CLASP1: variants seen among roughly 807,000 people sequenced by gnomAD.
CLASP1 encodes the protein cytoplasmic linker associated protein 1.
In CLASP1, 38 loss-of-function variants were observed where a neutral mutation model predicts 192.3. The observed-to-expected ratio is 0.20, with a 90% CI of 0.15 to 0.26. The LOEUF is 0.26. Ranked by LOEUF, CLASP1 falls within the 10% of genes least tolerant of loss-of-function variation. The pLI is 1.00. For missense variants in CLASP1, 1,433 were observed against 1,932.5 expected (o/e 0.74, Z 4.85); for synonymous variants, 691 against 712.8 (o/e 0.97, Z 0.49).
intron 8 of CLASP1, among the ~76,000 whole-genome samples, chr2:121,500,333 GGAAAGAAAGAAAAAGAAA>G (rs1313302527): frequency 5.6e-5 from 5 of 88,542 alleles, no homozygotes; most frequent in Non-Finnish European, 1.1e-4. Context: ...AGAGAAAGAA[GGAAAGAAAGAAAAAGAAA>G]GAAAGAAAGA....
intron 33 of CLASP1, among the ~76,000 whole-genome samples, chr2:121,378,967 T>TA (rs34669815): frequency 0.19 from 24,550 of 130,504 alleles, 4,609 homozygotes; most frequent in African/African-American, 0.49. Flanking sequence ...TATTCTGCCT[T>TA]AAAAAAAAAA....
chr2:121,592,442 T>C (rs578229807), intron 2 of CLASP1, among the ~76,000 whole-genome samples: 1 of 152,338 alleles, frequency 6.6e-6, no homozygotes, highest in South Asian at 2.1e-4. Context: ...TAAACACTTT[T>C]TTCTCCTTCA....
At chr2:121,625,064 T>C (rs956481154) in intron 1 of CLASP1, among the ~76,000 whole-genome samples, 1 of 152,200 alleles carries the variant, frequency 6.6e-6, no homozygotes, top group Non-Finnish European at 1.5e-5. Context: ...GAGGCTTGTT[T>C]TATGGCATAA....
intron 1 of CLASP1, among the ~76,000 whole-genome samples, chr2:121,625,509 A>C (rs1172230537): frequency 7.0e-6 from 1 of 142,536 alleles, no homozygotes; most frequent in African/African-American, 2.7e-5. Context: ...ATCTCGGCTC[A>C]ATGCAACCTC....
chr2:121,587,568 G>A (rs1410155179), intron 2 of CLASP1, among the ~76,000 whole-genome samples: 2 of 152,002 alleles, frequency 1.3e-5, no homozygotes, highest in Non-Finnish European at 2.9e-5. Context: ...GGTGGCTCAC[G>A]CCTGTAATCC....
At chr2:121,348,475 C>A (rs1310455207) in intron 38 of CLASP1, 37 bp downstream of exon 39, 19 of 1,559,934 alleles carry the variant, frequency 1.2e-5, no homozygotes, top group Non-Finnish European at 1.6e-5. Flanking sequence ...CAACCCCACA[C>A]AGGCCGGGGG....
rs62151100 is a variant in CLASP1, at chr2:121,547,275, C to T, written c.196-16950G>A. Among the ~76,000 whole-genome samples the T allele has an allele frequency of 5.9e-3, 891 of 152,278 alleles. 2 individuals are homozygous for T. The highest frequency in any genetic ancestry group is 0.02 in the Middle Eastern group (6 of 294). The stretch of plus-strand genomic sequence containing the variant: ...CAACTGAAAGCCTCTCTGCCACTGC[C>T]GCTGCGGTGGAACTGCCCTTGCTAC... On this transcript the variant is annotated intron_variant, in intron 2 of 39. Coordinates refer to ENST00000263710, the Ensembl canonical transcript of CLASP1.
chr2:121,505,876 A>G (rs2093931903), intron 7 of CLASP1, among the ~76,000 whole-genome samples: 1 of 152,086 alleles, frequency 6.6e-6, no homozygotes, highest in South Asian at 2.1e-4. Context: ...TAAATTTTAA[A>G]TAATTTCCTG....
chr2:121,403,112 G>A (rs904435482), intron 26 of CLASP1, among the ~76,000 whole-genome samples: 1 of 152,214 alleles, frequency 6.6e-6, no homozygotes, highest in Non-Finnish European at 1.5e-5. Context: ...GATTACAGGT[G>A]TAAGCCACTG....
At chr2:121,515,278 A>G (rs2094255130) in intron 7 of CLASP1, among the ~76,000 whole-genome samples, 1 of 152,224 alleles carries the variant, frequency 6.6e-6, no homozygotes, top group Admixed American at 6.5e-5. Context: ...ATCCAAACAC[A>G]TTCTGGAATG....
At chr2:121,388,135 CA>C (rs2073666155) in intron 30 of CLASP1, 1 of 399,570 alleles carries the variant, frequency 2.5e-6, no homozygotes, top group Admixed American at 4.1e-5. Flanking sequence ...CTTGGAATTC[CA>C]CAGCACACTA....
chr2:121,578,152 C>CG (rs1398961442), intron 2 of CLASP1, among the ~76,000 whole-genome samples: 1 of 151,876 alleles, frequency 6.6e-6, no homozygotes, highest in Admixed American at 6.6e-5. Context: ...GGGCTGGTCT[C>CG]GAACTCATTA....
chr2:121,344,419 C>T (rs190710479), intron 39 of CLASP1, among the ~76,000 whole-genome samples: 53 of 152,094 alleles, frequency 3.5e-4, no homozygotes, highest in African/African-American at 1.3e-3. Context: ...GCAACCTCCA[C>T]CTCCCAGGTT....
chr2:121,447,431 T>C (rs534521414), exon 19 of CLASP1: 1 of 1,564,290 alleles, frequency 6.4e-7, no homozygotes, highest in Non-Finnish European at 8.7e-7. Context: ...CACTGGCTGC[T>C]GCGTTCACAT....
intron 2 of CLASP1, among the ~76,000 whole-genome samples, chr2:121,592,898 G>A (rs947409048): frequency 5.9e-5 from 9 of 152,046 alleles, no homozygotes; most frequent in South Asian, 2.1e-4. Flanking sequence ...CGCCCACCTC[G>A]GCCTCCCAAA....
chr2:121,410,175 C>T (rs945425653), intron 24 of CLASP1, among the ~76,000 whole-genome samples: 3 of 152,118 alleles, frequency 2.0e-5, no homozygotes, highest in African/African-American at 7.2e-5. Flanking sequence ...ATGCTGAGCA[C>T]ATAAACCAGA....
At chr2:121,509,617 C>T (rs2150307277) in intron 7 of CLASP1, among the ~76,000 whole-genome samples, 1 of 152,312 alleles carries the variant, frequency 6.6e-6, no homozygotes, top group Non-Finnish European at 1.5e-5. Context: ...GCAGGTGGAA[C>T]ACACGAGGGC....
chr2:121,503,123 G>A (rs2093815302), intron 8 of CLASP1, 44 bp downstream of exon 8: 2 of 1,229,766 alleles, frequency 1.6e-6, no homozygotes, highest in East Asian at 5.1e-5. Flanking sequence ...TGATGCGAAT[G>A]TAAAACTGAA....
intron 8 of CLASP1, among the ~76,000 whole-genome samples, chr2:121,501,766 AT>A (rs1342891542): frequency 6.6e-6 from 1 of 152,180 alleles, no homozygotes; most frequent in Non-Finnish European, 1.5e-5. Flanking sequence ...GCCCTTATGT[AT>A]CAAGTTACTT....
Sources: allele counts gnomAD v4.1 joint callset (sites outside exome capture counted in the v4.1 genomes callset), GRCh38; gene constraint gnomAD v4.1.1; transcripts MANE v1.5; gene names NCBI Gene and HGNC (gene_info 2026-07-23, HGNC 2026-07-21).